Variants in RARS2 observed in about 807,000 individuals in gnomAD.
RARS2 encodes the protein probable arginine--tRNA ligase, mitochondrial.
RARS2 carries 67 observed loss-of-function variants against 88.5 expected under a neutral mutation model. The observed-to-expected ratio is 0.76, with a 90% CI of 0.62 to 0.93. RARS2 has a LOEUF of 0.93. RARS2 is among the 40% of genes least tolerant of loss of function. The pLI is 0.00. For missense variants in RARS2, 664 were observed against 684.2 expected, an observed-to-expected ratio of 0.97 and a Z score of 0.33; for synonymous variants, 239 against 230.3, an observed-to-expected ratio of 1.04 and a Z score of -0.34.
At chr6:87,553,855 G>A (rs749006909) in intron 5 of RARS2, among the ~76,000 whole-genome samples, 1 of 152,142 alleles carries the variant, frequency 6.6e-6, no homozygotes, top group Non-Finnish European at 1.5e-5. Context: ...TTCATAATAT[G>A]TGTCTACTCC....
intron 8 of RARS2, among the ~76,000 whole-genome samples, chr6:87,535,022 G>C (rs1403605554): frequency 6.9e-6 from 1 of 145,398 alleles, no homozygotes; most frequent in Non-Finnish European, 1.5e-5. Context: ...AAGAGCCTGG[G>C]GAACTTTGCA....
chr6:87,567,626 G>A (rs903824296), intron 2 of RARS2, among the ~76,000 whole-genome samples: 2 of 152,130 alleles, frequency 1.3e-5, no homozygotes, highest in African/African-American at 4.8e-5. Context: ...AATATAGAAC[G>A]GTTAGGCTTA....
At chr6:87,529,407 T>G in intron 10 of RARS2, 135 bp downstream of exon 10, 1 of 686,460 alleles carries the variant, frequency 1.5e-6, no homozygotes, top group Non-Finnish European at 2.6e-6. Context: ...GGGAAAGTAC[T>G]CTGAACAGGA....
chr6:87,524,865 T>C (rs1775149613), intron 10 of RARS2, among the ~76,000 whole-genome samples: 1 of 152,236 alleles, frequency 6.6e-6, no homozygotes, highest in Admixed American at 6.5e-5. Context: ...TTTGGTTATC[T>C]TAGCTTTTAA....
rs1042744027 is a variant in RARS2, at chr6:87,514,064, C to A, written c.*349G>T. On this transcript the variant is annotated 3_prime_UTR_variant, in exon 20 of 20. Transcript: ENST00000369536. ...TGGTGGTTCATGCCTCTAATCCCAA[C>A]ACTTTGGGAGGCCAAGGCAGACAGA... Among the ~76,000 whole-genome samples the A allele has an allele frequency of 6.6e-6, 1 of 152,294 alleles. No individual in the cohort carries two copies. The highest frequency in any genetic ancestry group is 1.9e-4 in the East Asian group (1 of 5,182).
intron 5 of RARS2, among the ~76,000 whole-genome samples, chr6:87,550,313 A>G (rs1783926727): frequency 6.6e-6 from 1 of 152,228 alleles, no homozygotes; most frequent in African/African-American, 2.4e-5. Context: ...CTGAGAGAAG[A>G]GCAAACAAGG....
chr6:87,564,737 C>T (rs903411815), intron 2 of RARS2: 9 of 221,300 alleles, frequency 4.1e-5, no homozygotes, highest in Non-Finnish European at 6.4e-5. Context: ...GAGAAATAAC[C>T]TAGTATTTAT....
intron 1 of RARS2, among the ~76,000 whole-genome samples, chr6:87,585,014 AC>A (rs1374870755): frequency 7.0e-4 from 106 of 152,216 alleles, no homozygotes; most frequent in Non-Finnish European, 9.1e-4. Flanking sequence ...GCCCTTAAGT[AC>A]TATAAACAGT....
Position 87,555,428 on chromosome 6 carries a change from C to T in RARS2, c.375G>A (p.Lys125=). 2 of 1,613,916 alleles carry T rather than the reference C, an allele frequency of 1.2e-6. No homozygotes were observed. The highest frequency in any genetic ancestry group is 1.7e-6 in the Non-Finnish European group (2 of 1,179,840). ...KSELFSGLPQ[K]KIVVEFSSPN... is the part of the protein sequence containing the mutation. Reference sequence around the variant, plus strand: ...CTCACCTGAATTCAACCACAATCTTCTTCTGGGGAAGTCCAGAGAAAAGTT... The same window carrying T: ...CTCACCTGAATTCAACCACAATCTTTTTCTGGGGAAGTCCAGAGAAAAGTT... Residue 125 remains lysine (K), a synonymous_variant, in exon 5 of 20, where the codon AAG becomes AAA. Transcript: ENST00000369536.
rs1272053470 is a variant in RARS2 at position 87,576,095 on chromosome 6, C to CGGCCAACACAAATTTCAAG, written c.37-6506_37-6505insCTTGAAATTTGTGTTGGCC. On this transcript the variant is annotated intron_variant, in intron 1 of 19. Transcript: ENST00000369536. ...GATTACAGGCGTGAGCCAATGCGCC[C>CGGCCAACACAAATTTCAAG]AGCTGGATAAGTCTTCTTTAAAAAT... Among the ~76,000 whole-genome samples the CGGCCAACACAAATTTCAAG allele has an allele frequency of 4.0e-3, 503 of 124,400 alleles. 14 individuals carry two copies. Among genetic ancestry groups the CGGCCAACACAAATTTCAAG allele is most frequent in the South Asian group, 4.8e-3 (17 of 3,528 alleles). The allele number at this position is 124,400 out of a possible 152,430, so 81.6% of individuals were successfully genotyped here.
At position 87,569,549 on chromosome 6, in the gene RARS2, TGTGATCAA is replaced by T; in HGVS notation, c.70_77del (p.Leu24IlefsTer15). On this transcript the variant is annotated frameshift_variant, in exon 2 of 20. Transcript: ENST00000369536. LOFTEE classifies it high-confidence loss of function. The stretch of plus-strand genomic sequence containing the variant: ...GGGAAATTGGAACTGCAGATATTGA[TGTGATCAA>T]GTTTTCTGGTGGAAGATTCAACACT... The T allele has an allele frequency of 3.7e-6, 6 of 1,606,354 alleles. No individual in the cohort carries two copies. The highest frequency in any genetic ancestry group is 1.3e-5 in the African/African-American group (1 of 74,834).
intron 2 of RARS2, among the ~76,000 whole-genome samples, chr6:87,567,069 T>A (rs1392951645): frequency 6.6e-6 from 1 of 151,876 alleles, no homozygotes; most frequent in African/African-American, 2.4e-5. Flanking sequence ...CTGGCCAACA[T>A]GGTGAAACCC....
At chr6:87,583,142 CA>C (rs1386053563) in intron 1 of RARS2, among the ~76,000 whole-genome samples, 1 of 152,076 alleles carries the variant, frequency 6.6e-6, no homozygotes, top group Non-Finnish European at 1.5e-5. Context: ...TCTCAAATGA[CA>C]CAGGAAAAAG....
chr6:87,526,215 A>G (rs1444483222), intron 10 of RARS2, among the ~76,000 whole-genome samples: 1 of 152,160 alleles, frequency 6.6e-6, no homozygotes, highest in African/African-American at 2.4e-5. Context: ...AGCAATATTG[A>G]GCAAAAAGAA....
chr6:87,574,585 T>C (rs1199125614), intron 1 of RARS2, among the ~76,000 whole-genome samples: 1 of 150,622 alleles, frequency 6.6e-6, no homozygotes, highest in Non-Finnish European at 1.5e-5. Context: ...AGAGAGAGAA[T>C]AGGGAGGGAG....
intron 8 of RARS2, among the ~76,000 whole-genome samples, chr6:87,539,058 G>GAATAAATGAATAAATAAATAAATA (rs1554192451): frequency 4.3e-4 from 65 of 150,556 alleles, no homozygotes; most frequent in African/African-American, 1.6e-3. Context: ...ATAAATAAAT[G>GAATAAATGAATAAATAAATAAATA]AATAAATAAA....
intron 18 of RARS2, among the ~76,000 whole-genome samples, chr6:87,516,333 C>T (rs1771726672): frequency 6.6e-6 from 1 of 152,182 alleles, no homozygotes; most frequent in Non-Finnish European, 1.5e-5. Flanking sequence ...GTTTAAATGC[C>T]TCAGTACATG....
intron 8 of RARS2, among the ~76,000 whole-genome samples, chr6:87,532,214 C>CT (rs35516206): frequency 9.0e-4 from 137 of 151,622 alleles, no homozygotes; most frequent in Middle Eastern, 3.4e-3. Flanking sequence ...TTAAAATTAC[C>CT]TTTTTTTTTC....
At chr6:87,578,324 TTTCC>T (rs1472243935) in intron 1 of RARS2, among the ~76,000 whole-genome samples, 4 of 152,228 alleles carry the variant, frequency 2.6e-5, no homozygotes, top group African/African-American at 4.8e-5. Context: ...TCCTTCCTAT[TTTCC>T]TTCCTTTTTT....
Sources: allele counts gnomAD v4.1 joint callset (sites outside exome capture counted in the v4.1 genomes callset), GRCh38; gene constraint gnomAD v4.1.1; transcripts MANE v1.5; gene names NCBI Gene and HGNC (gene_info 2026-07-23, HGNC 2026-07-21).